RORA: variants seen among roughly 807,000 people sequenced by gnomAD.
RORA encodes nuclear receptor ROR-alpha.
Under a neutral mutation model 69.5 loss-of-function variants are expected in RORA, and 7 were observed. That is an observed-to-expected ratio of 0.10 (90% CI 0.06 to 0.19). The LOEUF (loss-of-function observed/expected upper bound fraction) is 0.19, where lower values mean the gene tolerates loss of function less well. RORA is among the 10% of genes least tolerant of loss of function. The pLI, the probability that RORA is intolerant of heterozygous loss-of-function variation, is 1.00. For missense variants in RORA, 457 were observed against 663.0 expected (o/e 0.69, Z 3.41); for synonymous variants, 261 against 240.8 (o/e 1.08, Z -0.78).
intron 1 of RORA, among the ~76,000 whole-genome samples, chr15:61,004,829 C>G (rs999617625): frequency 1.3e-5 from 2 of 152,104 alleles, no homozygotes; most frequent in African/African-American, 4.8e-5. Context: ...ATAATCAAAG[C>G]TATGCAAACT....
chr15:60,941,324 T>G (rs1892690178), intron 1 of RORA, among the ~76,000 whole-genome samples: 1 of 152,252 alleles, frequency 6.6e-6, no homozygotes, highest in Non-Finnish European at 1.5e-5. Context: ...AAATGGTTGT[T>G]AAAGCTTCAA....
intron 1 of RORA, among the ~76,000 whole-genome samples, chr15:61,165,334 C>G (rs1381596081): frequency 1.3e-5 from 2 of 152,190 alleles, no homozygotes; most frequent in African/African-American, 4.8e-5. Flanking sequence ...ATCTTCTCAA[C>G]AGTTCAAAAG....
chr15:61,074,517 T>C (rs1460269802), intron 1 of RORA, among the ~76,000 whole-genome samples: 1 of 152,228 alleles, frequency 6.6e-6, no homozygotes, highest in Non-Finnish European at 1.5e-5. Flanking sequence ...GCAGTATATC[T>C]ACAAATGGGT....
intron 1 of RORA, among the ~76,000 whole-genome samples, chr15:60,978,625 GTTTC>G (rs1438452378): frequency 6.6e-6 from 1 of 152,026 alleles, no homozygotes; most frequent in Non-Finnish European, 1.5e-5. Context: ...TTATACCTAT[GTTTC>G]TTTCTAAGAG....
chr15:60,613,849 T>G (rs2069159035), intron 2 of RORA, among the ~76,000 whole-genome samples: 1 of 151,298 alleles, frequency 6.6e-6, no homozygotes, highest in Admixed American at 6.6e-5. Flanking sequence ...AGGTAGACAG[T>G]TCATGGGAAG....
intron 3 of RORA, among the ~76,000 whole-genome samples, chr15:60,518,319 CAT>C (rs1595898483): frequency 6.6e-6 from 1 of 152,254 alleles, no homozygotes; most frequent in East Asian, 1.9e-4. Context: ...AGACTGTTAA[CAT>C]AGAAGCATAT....
At chr15:61,139,940 T>A (rs1019977528) in intron 1 of RORA, among the ~76,000 whole-genome samples, 1 of 152,170 alleles carries the variant, frequency 6.6e-6, no homozygotes, top group Non-Finnish European at 1.5e-5. Context: ...TGTTACCTGA[T>A]TGGAAGTTCC....
At chr15:61,100,655 C>A (rs1314704838) in intron 1 of RORA, among the ~76,000 whole-genome samples, 1 of 152,140 alleles carries the variant, frequency 6.6e-6, no homozygotes, top group Non-Finnish European at 1.5e-5. Flanking sequence ...GGGCTGCACT[C>A]CCCCTAATGG....
At chr15:60,893,157 A>G (rs1409405718) in intron 1 of RORA, among the ~76,000 whole-genome samples, 1 of 152,200 alleles carries the variant, frequency 6.6e-6, no homozygotes, top group African/African-American at 2.4e-5. Flanking sequence ...TCACCAGGTT[A>G]CCCAAGGACA....
chr15:60,777,416 C>A (rs966617534), intron 1 of RORA, among the ~76,000 whole-genome samples: 1 of 152,182 alleles, frequency 6.6e-6, no homozygotes, highest in Non-Finnish European at 1.5e-5. Context: ...AATCACCTTG[C>A]CTCTCTGGGC....
In RORA at chr15:60,561,354, T is replaced by G. The variant is rs1052796075; in HGVS notation, c.197-29503A>C. 7.2e-5 allele frequency among the ~76,000 whole-genome samples: 11 copies of G among 152,086 alleles called. No individual in the cohort carries two copies. The East Asian group carries it at 1.3e-3, about 19-fold the overall frequency. ...CCTCGGCCTCCCAAAGTGCTGGGAT[T>G]ACAGGCGTGAGCCACCGCGCCTGGC... On this transcript the variant is annotated intron_variant, in intron 2 of 10. Coordinates refer to ENST00000335670, the MANE Select transcript of RORA (RefSeq NM_134261.3).
chr15:60,508,024 A>G (rs1475738927), intron 5 of RORA, among the ~76,000 whole-genome samples: 4 of 152,190 alleles, frequency 2.6e-5, no homozygotes, highest in Non-Finnish European at 4.4e-5. Context: ...CTGCTCACCA[A>G]CAGCCTTTCA....
In RORA at chr15:61,099,663, C is replaced by A. The variant is rs948896735; in HGVS notation, c.166+129390G>T. 3.2e-4 allele frequency among the ~76,000 whole-genome samples: 49 copies of A among 152,330 alleles called. 1 individual carries two copies. Among genetic ancestry groups the A allele is most frequent in the African/African-American group, 1.0e-3 (43 of 41,584 alleles). ...AAGCTCTTTTCATCACAATTGTGTA[C>A]CATGTTCAGCTCTGGCCATTTTTAT... On this transcript the variant is annotated intron_variant, in intron 1 of 10. Transcript: ENST00000335670.
chr15:60,580,088 C>T (rs899517568), intron 2 of RORA, among the ~76,000 whole-genome samples: 21 of 152,014 alleles, frequency 1.4e-4, no homozygotes, highest in African/African-American at 4.8e-4. Context: ...TTTAAAACCA[C>T]TCATAATACT....
At chr15:60,893,455 C>T (rs1380879537) in intron 1 of RORA, among the ~76,000 whole-genome samples, 3 of 152,218 alleles carry the variant, frequency 2.0e-5, no homozygotes, top group African/African-American at 7.2e-5. Flanking sequence ...CTCCGCGCCC[C>T]TGCGAAACTC....
chr15:60,567,738 T>C (rs2067758860), intron 2 of RORA, among the ~76,000 whole-genome samples: 1 of 152,170 alleles, frequency 6.6e-6, no homozygotes, highest in Non-Finnish European at 1.5e-5. Flanking sequence ...GCAAGAATAA[T>C]TCTACCATTG....
chr15:61,060,612 G>A (rs1174950522), intron 1 of RORA, among the ~76,000 whole-genome samples: 4 of 152,184 alleles, frequency 2.6e-5, no homozygotes, highest in Non-Finnish European at 5.9e-5. Context: ...CCTCACTGGG[G>A]TGAGGTTCTA....
chr15:60,721,637 G>A (rs990361176), intron 1 of RORA, among the ~76,000 whole-genome samples: 1 of 152,174 alleles, frequency 6.6e-6, no homozygotes, highest in African/African-American at 2.4e-5. Flanking sequence ...TTCTCTTCTA[G>A]TAAGAAAAAA....
At chr15:60,803,687 T>G (rs1406359392) in intron 1 of RORA, among the ~76,000 whole-genome samples, 1 of 152,192 alleles carries the variant, frequency 6.6e-6, no homozygotes, top group African/African-American at 2.4e-5. Context: ...TCTAAGATCT[T>G]CCTTCTCTGG....
Sources: gnomAD v4.1 joint callset for allele counts (sites outside exome capture counted in the v4.1 genomes callset) on GRCh38, gnomAD v4.1.1 for gene constraint, MANE v1.5 for transcripts, NCBI Gene and HGNC (gene_info 2026-07-23, HGNC 2026-07-21) for gene names.